Variants in GRM1 observed in about 807,000 individuals in gnomAD.
GRM1 encodes the protein metabotropic glutamate receptor 1.
Under a neutral mutation model 90.9 loss-of-function variants are expected in GRM1, and 33 were observed. That is an observed-to-expected ratio of 0.36 (90% CI 0.28 to 0.49). The LOEUF (loss-of-function observed/expected upper bound fraction) is 0.49. Ranked by LOEUF, GRM1 falls within the 20% of genes least tolerant of loss-of-function variation. The pLI is 0.99. For synonymous variants in GRM1, 700 were observed against 613.2 expected, an observed-to-expected ratio of 1.14 and a Z score of -2.09; for missense variants, 1,190 against 1,534.3, an observed-to-expected ratio of 0.78 and a Z score of 3.75.
intron 2 of GRM1, among the ~76,000 whole-genome samples, chr6:146,164,519 A>G (rs1032439132): frequency 6.6e-6 from 1 of 152,142 alleles, no homozygotes; most frequent in African/African-American, 2.4e-5. Context: ...ATAGTCTAGA[A>G]TCAGTAAATT....
intron 1 of GRM1, among the ~76,000 whole-genome samples, chr6:146,148,690 G>T (rs1777203438): frequency 6.6e-6 from 1 of 152,118 alleles, no homozygotes; most frequent in African/African-American, 2.4e-5. Flanking sequence ...TCATAGTATT[G>T]ATATTAATAT....
intron 1 of GRM1, among the ~76,000 whole-genome samples, chr6:146,113,205 T>C (rs1341331518): frequency 6.6e-6 from 1 of 152,126 alleles, no homozygotes; most frequent in Non-Finnish European, 1.5e-5. Flanking sequence ...GATCATGGCA[T>C]GTCCTCGTGT....
At chr6:146,294,249 C>G (rs1783096933) in intron 2 of GRM1, among the ~76,000 whole-genome samples, 1 of 151,770 alleles carries the variant, frequency 6.6e-6, no homozygotes, top group South Asian at 2.1e-4. Flanking sequence ...ACTCTTTAAG[C>G]TACTTCCTAT....
chr6:146,142,416 C>G (rs1776913794), intron 1 of GRM1, among the ~76,000 whole-genome samples: 1 of 152,106 alleles, frequency 6.6e-6, no homozygotes, highest in Non-Finnish European at 1.5e-5. Context: ...TTGGCTACTG[C>G]CTATGTTTGC....
intron 1 of GRM1, among the ~76,000 whole-genome samples, chr6:146,117,116 T>G (rs1389883651): frequency 6.6e-6 from 1 of 151,404 alleles, no homozygotes; most frequent in Non-Finnish European, 1.5e-5. Context: ...TTTTTGTTTA[T>G]AAGTTTCTCT....
chr6:146,048,867 A>G (rs1486257920), intron 1 of GRM1, among the ~76,000 whole-genome samples: 1 of 151,992 alleles, frequency 6.6e-6, no homozygotes, highest in Admixed American at 6.6e-5. Context: ...GTCAGAAAGA[A>G]CCAATTCTAT....
chr6:146,280,787 AT>A lies in GRM1; in HGVS notation c.951-23815del, dbSNP rs577622701. Among the ~76,000 whole-genome samples the A allele has an allele frequency of 4.8e-3, 719 of 150,888 alleles. 5 individuals carry two copies. The highest frequency in any genetic ancestry group is 4.8e-3 in the Non-Finnish European group (327 of 67,664). ...ACACTAACACCACCTAGCCCAGGTA[AT>A]TTTTTTTTCTTTCATTTTTTGTAGA... On this transcript the variant is annotated intron_variant, in intron 2 of 7. Transcript: ENST00000282753.
chr6:146,205,610 C>T (rs1779468581), intron 2 of GRM1, among the ~76,000 whole-genome samples: 1 of 152,118 alleles, frequency 6.6e-6, no homozygotes, highest in Admixed American at 6.5e-5. Flanking sequence ...GCAGCATATT[C>T]TTCTGTCTAA....
chr6:146,158,698 T>C (rs1337620680), intron 1 of GRM1, among the ~76,000 whole-genome samples: 1 of 152,228 alleles, frequency 6.6e-6, no homozygotes. Context: ...TTGATTTCTA[T>C]GAGTTTTCAG....
rs149127493 is a variant in GRM1 at position 146,039,793 on chromosome 6, G to T, written c.700+9576G>T. On this transcript the variant is annotated intron_variant, in intron 1 of 7. Transcript: ENST00000282753. ...TATGTAGCAGGGAGGTTAGTGTTTA[G>T]TGAATGATTGGTTATGAGAATCAAG... Among the ~76,000 whole-genome samples the T allele has an allele frequency of 1.9e-4, 29 of 152,108 alleles. No individual in the cohort carries two copies. The East Asian group carries it at 5.1e-3, about 27-fold the overall frequency.
At chr6:146,033,802 C>A (rs1158177691) in intron 1 of GRM1, among the ~76,000 whole-genome samples, 1 of 151,730 alleles carries the variant, frequency 6.6e-6, no homozygotes, top group East Asian at 1.9e-4. Context: ...TGATATAAAA[C>A]AATTAAAAAG....
At chr6:146,310,904 C>G (rs1214035476) in intron 3 of GRM1, among the ~76,000 whole-genome samples, 1 of 152,152 alleles carries the variant, frequency 6.6e-6, no homozygotes, top group Non-Finnish European at 1.5e-5. Context: ...CTAGTTGACT[C>G]CTAGATTCAT....
intron 1 of GRM1, among the ~76,000 whole-genome samples, chr6:146,126,077 T>C (rs1776188290): frequency 6.6e-6 from 1 of 152,154 alleles, no homozygotes. Flanking sequence ...ATTTCTGCTT[T>C]ATATTTTTGT....
chr6:146,271,777 G>T (rs1782170766), intron 2 of GRM1, among the ~76,000 whole-genome samples: 1 of 152,178 alleles, frequency 6.6e-6, no homozygotes, highest in Admixed American at 6.5e-5. Context: ...CATGTTCAAA[G>T]GAATCTCACA....
intron 1 of GRM1, among the ~76,000 whole-genome samples, chr6:146,079,584 A>G (rs758367732): frequency 5.9e-5 from 9 of 152,172 alleles, no homozygotes; most frequent in Non-Finnish European, 1.0e-4. Context: ...TAACTCTATG[A>G]GAGAAAACTT....
intron 5 of GRM1, among the ~76,000 whole-genome samples, chr6:146,379,958 CTT>C (rs962786726): frequency 1.3e-5 from 2 of 150,720 alleles, no homozygotes; most frequent in African/African-American, 2.4e-5. Context: ...CTCTCTCTCT[CTT>C]TCTCACTCTC....
intron 7 of GRM1, among the ~76,000 whole-genome samples, chr6:146,409,624 T>G (rs1164363486): frequency 6.6e-6 from 1 of 152,180 alleles, no homozygotes; most frequent in Admixed American, 6.6e-5. Context: ...GACATTGTCT[T>G]CTGAGTTAAT....
Position 146,196,554 on chromosome 6 carries a change from C to G in GRM1, c.950+36957C>G, listed in dbSNP as rs540844540. Among the ~76,000 whole-genome samples the G allele has an allele frequency of 5.3e-5, 8 of 150,488 alleles. No individual in the cohort carries two copies. The East Asian group carries it at 1.4e-3, about 26-fold the overall frequency. On this transcript the variant is annotated intron_variant, in intron 2 of 7. Coordinates refer to ENST00000282753, the MANE Select transcript of GRM1 (RefSeq NM_001278064.2). ...TCTCCTGACCTCATGATCCGCCCAC[C>G]TTGGCCTCCCAAAGTGCTGGGATTA...
At chr6:146,111,334 A>T (rs1775550986) in intron 1 of GRM1, among the ~76,000 whole-genome samples, 1 of 152,252 alleles carries the variant, frequency 6.6e-6, no homozygotes, top group Non-Finnish European at 1.5e-5. Context: ...TGATTTGTAA[A>T]GTGGGGATTT....
Sources: allele counts gnomAD v4.1 joint callset (sites outside exome capture counted in the v4.1 genomes callset), GRCh38; gene constraint gnomAD v4.1.1; transcripts MANE v1.5; gene names NCBI Gene and HGNC (gene_info 2026-07-23, HGNC 2026-07-21).